NCOA2: variants seen among roughly 807,000 people sequenced by gnomAD.
NCOA2 encodes the protein nuclear receptor coactivator 2.
NCOA2 carries 21 observed loss-of-function variants against 145.1 expected under a neutral mutation model. The observed-to-expected ratio is 0.14, with a 90% CI of 0.10 to 0.21. NCOA2 has a LOEUF of 0.21. Among genes scored for constraint, NCOA2 ranks in the 10% least tolerant of loss-of-function variants. The pLI, the probability that NCOA2 is intolerant of heterozygous loss-of-function variation, is 1.00. For missense variants in NCOA2, 1,472 were observed against 1,837.6 expected, an observed-to-expected ratio of 0.80 and a Z score of 3.64; for synonymous variants, 619 against 637.5, an observed-to-expected ratio of 0.97 and a Z score of 0.44.
rs145631234 is a variant in NCOA2 at position 70,149,847 on chromosome 8, C to A, written c.2395-1364G>T. 3.3e-3 allele frequency among the ~76,000 whole-genome samples: 507 copies of A among 152,026 alleles called. 3 individuals carry two copies. Among genetic ancestry groups the A allele is most frequent in the Admixed American group, 6.4e-3 (98 of 15,270 alleles). On this transcript the variant is annotated intron_variant, in intron 11 of 22. Coordinates refer to ENST00000452400, the MANE Select transcript of NCOA2 (RefSeq NM_006540.4). ...TTTCCTCAGTCATTGGACTTTGAATCCTTGACCACAACTATTCCTTTCATC... is the reference window on the plus strand; with the variant it reads ...TTTCCTCAGTCATTGGACTTTGAATACTTGACCACAACTATTCCTTTCATC...
chr8:70,447,684 T>TTTTC, the NCOA2 span, among the ~76,000 whole-genome samples: 2,731 of 142,692 alleles, frequency 0.019, 140 homozygotes, highest in African/African-American at 0.067. Flanking sequence ...TTTGTTTTCT[T>TTTTC]TTTTTTTTTT....
chr8:70,315,703 T>C (rs1805529308), intron 1 of NCOA2, among the ~76,000 whole-genome samples: 1 of 152,088 alleles, frequency 6.6e-6, no homozygotes, highest in South Asian at 2.1e-4. Flanking sequence ...AAAAATAATC[T>C]AAAACCAGAC....
intron 2 of NCOA2, among the ~76,000 whole-genome samples, chr8:70,232,625 C>T (rs572656680): frequency 1.3e-4 from 20 of 152,184 alleles, no homozygotes; most frequent in African/African-American, 4.6e-4. Context: ...CTACTCCAAC[C>T]CCATTTCTAT....
chr8:70,379,711 T>C (rs1812015743), intron 1 of NCOA2, among the ~76,000 whole-genome samples: 3 of 152,144 alleles, frequency 2.0e-5, no homozygotes, highest in Admixed American at 1.3e-4. Context: ...TAAGTAGCTA[T>C]AGAAGAAGCA....
At chr8:70,275,396 A>G (rs1239337880) in intron 2 of NCOA2, among the ~76,000 whole-genome samples, 1 of 152,188 alleles carries the variant, frequency 6.6e-6, no homozygotes, top group African/African-American at 2.4e-5. Context: ...AATACTATAT[A>G]AATCATGTAA....
chr8:70,201,003 T>C (rs1310174895), intron 4 of NCOA2, among the ~76,000 whole-genome samples: 1 of 142,608 alleles, frequency 7.0e-6, no homozygotes, highest in South Asian at 2.2e-4. Flanking sequence ...TGAGCCACGA[T>C]TACACTACTG....
chr8:70,218,018 C>A (rs1819791967), intron 2 of NCOA2, among the ~76,000 whole-genome samples: 1 of 151,164 alleles, frequency 6.6e-6, no homozygotes, highest in African/African-American at 2.4e-5. Flanking sequence ...AGACAGAGAA[C>A]TTAAGGAAGA....
At chr8:70,405,700 A>G (rs1378116116), upstream of NCOA2, among the ~76,000 whole-genome samples, 1 of 148,248 alleles carries the variant, frequency 6.7e-6, no homozygotes, top group Non-Finnish European at 1.5e-5. Context: ...TTTAAAAAAA[A>G]GATTCTCCTT....
At chr8:70,335,142 AAAAAAAAAAAAG>A (rs1466991634) in intron 1 of NCOA2, among the ~76,000 whole-genome samples, 7 of 148,764 alleles carry the variant, frequency 4.7e-5, no homozygotes, top group Non-Finnish European at 1.0e-4. Context: ...AAAAAAAAAA[AAAAAAAAAAAAG>A]ATCTCTCCCT....
chr8:70,200,566 C>T (rs544776278), intron 4 of NCOA2, among the ~76,000 whole-genome samples: 3 of 152,242 alleles, frequency 2.0e-5, no homozygotes, highest in African/African-American at 7.2e-5. Context: ...AATTCTGACT[C>T]GCCACTACCT....
intron 1 of NCOA2, among the ~76,000 whole-genome samples, chr8:70,311,199 T>C (rs893236483): frequency 6.7e-6 from 1 of 149,514 alleles, no homozygotes; most frequent in Non-Finnish European, 1.5e-5. Context: ...AGAAAAAAAA[T>C]GTTTTCAAAA....
intron 1 of NCOA2, among the ~76,000 whole-genome samples, chr8:70,367,622 C>A (rs1810834206): frequency 6.6e-6 from 1 of 152,144 alleles, no homozygotes; most frequent in South Asian, 2.1e-4. Context: ...GTTTGATCAT[C>A]AGTTTCCGTG....
chr8:70,292,630 T>C (rs899286235), intron 2 of NCOA2, among the ~76,000 whole-genome samples: 7 of 152,216 alleles, frequency 4.6e-5, no homozygotes, highest in African/African-American at 1.2e-4. Context: ...TAAACTTGCA[T>C]GGATAGATAA....
intron 1 of NCOA2, among the ~76,000 whole-genome samples, chr8:70,321,529 T>C (rs1453222110): frequency 6.6e-6 from 1 of 152,014 alleles, no homozygotes; most frequent in African/African-American, 2.4e-5. Flanking sequence ...ATTTACAAAA[T>C]TAAAATTTTT....
At chr8:70,278,405 A>G (rs144458530) in intron 2 of NCOA2, among the ~76,000 whole-genome samples, 53 of 152,330 alleles carry the variant, frequency 3.5e-4, no homozygotes, top group African/African-American at 1.2e-3. Context: ...TAGAAAGTCT[A>G]CTAACTAGTT....
intron 9 of NCOA2, among the ~76,000 whole-genome samples, chr8:70,160,631 A>G (rs922703348): frequency 1.4e-5 from 2 of 147,654 alleles, no homozygotes; most frequent in Admixed American, 1.4e-4. Flanking sequence ...TGTATTCACC[A>G]TGCCACAAAA....
chr8:70,349,419 A>C (rs1808971422), intron 1 of NCOA2, among the ~76,000 whole-genome samples: 1 of 152,192 alleles, frequency 6.6e-6, no homozygotes, highest in Non-Finnish European at 1.5e-5. Flanking sequence ...TCTCAAGTTA[A>C]ATTTAAAAAT....
chr8:70,253,823 C>G (rs1317714722), intron 2 of NCOA2, among the ~76,000 whole-genome samples: 1 of 152,050 alleles, frequency 6.6e-6, no homozygotes, highest in Non-Finnish European at 1.5e-5. Flanking sequence ...AGGGGAAAAA[C>G]TTCATGACAC....
intron 1 of NCOA2, among the ~76,000 whole-genome samples, chr8:70,336,871 T>C (rs1452375257): frequency 1.3e-5 from 2 of 152,136 alleles, no homozygotes; most frequent in Non-Finnish European, 2.9e-5. Context: ...GGGTTGCTTC[T>C]ACCTTTGGAC....
Sources: allele counts gnomAD v4.1 joint callset (sites outside exome capture counted in the v4.1 genomes callset), GRCh38; gene constraint gnomAD v4.1.1; transcripts MANE v1.5; gene names NCBI Gene and HGNC (gene_info 2026-07-23, HGNC 2026-07-21).